Variants in NDST4 observed in about 807,000 individuals in gnomAD.
The protein encoded by NDST4 is N-deacetylase and N-sulfotransferase 4.
A neutral mutation model predicts 100.8 loss-of-function variants in NDST4; 63 were observed. The observed-to-expected ratio is 0.62, with a 90% CI of 0.51 to 0.77. The LOEUF (loss-of-function observed/expected upper bound fraction) is 0.77, where lower values mean the gene tolerates loss of function less well. Ranked by LOEUF, NDST4 falls within the 30% of genes least tolerant of loss-of-function variation. NDST4 has a pLI of 0.00. For missense variants in NDST4, 943 were observed against 1,018.4 expected, an observed-to-expected ratio of 0.93 and a Z score of 1.01; for synonymous variants, 377 against 361.8, an observed-to-expected ratio of 1.04 and a Z score of -0.48.
rs1321414322 is a variant in NDST4 at position 114,865,698 on chromosome 4, T to G, written c.1719+5070A>C. On this transcript the variant is annotated intron_variant, in intron 7 of 13. Transcript: ENST00000264363. Reference sequence around the variant, plus strand: ...TTCAAGGGAGCTATCTGCAAGTAATTTTTTTTATGACTGAACCTCAATAAG... The same window carrying G: ...TTCAAGGGAGCTATCTGCAAGTAATGTTTTTTATGACTGAACCTCAATAAG... Among the ~76,000 whole-genome samples, 5 of 152,080 alleles carry G rather than the reference T, an allele frequency of 3.3e-5. No homozygotes were observed. The East Asian group carries it at 7.7e-4, about 23-fold the overall frequency.
chr4:114,889,722 C>A (rs987262350), intron 6 of NDST4, among the ~76,000 whole-genome samples: 16 of 152,160 alleles, frequency 1.1e-4, no homozygotes, highest in Admixed American at 7.9e-4. Context: ...AGGGAGACAG[C>A]CTTGACTGGG....
chr4:115,005,851 G>T (rs918022128), intron 2 of NDST4, among the ~76,000 whole-genome samples: 3 of 151,832 alleles, frequency 2.0e-5, no homozygotes, highest in Admixed American at 6.6e-5. Context: ...TGGCCAACAT[G>T]GTGAAACCTC....
chr4:114,909,362 T>C (rs1725015735), intron 6 of NDST4, among the ~76,000 whole-genome samples: 1 of 152,154 alleles, frequency 6.6e-6, no homozygotes, highest in Admixed American at 6.6e-5. Context: ...TGAGACTTCT[T>C]AGAAAGCTAA....
chr4:114,838,586 C>T (rs1477610108), intron 11 of NDST4, among the ~76,000 whole-genome samples: 1 of 152,132 alleles, frequency 6.6e-6, no homozygotes, highest in African/African-American at 2.4e-5. Flanking sequence ...CCAAATTCCG[C>T]ATGTTCTCAC....
chr4:115,025,852 G>A (rs542189480), intron 2 of NDST4, among the ~76,000 whole-genome samples: 5 of 152,044 alleles, frequency 3.3e-5, no homozygotes. Flanking sequence ...TTATTGATAA[G>A]AATTATGTAA....
At chr4:114,945,168 A>C (rs933374949) in intron 4 of NDST4, among the ~76,000 whole-genome samples, 1 of 126,472 alleles carries the variant, frequency 7.9e-6, no homozygotes. Flanking sequence ...AGATCATGCC[A>C]TTGCTCTCTA....
intron 6 of NDST4, among the ~76,000 whole-genome samples, chr4:114,897,762 G>A (rs1724747909): frequency 6.6e-6 from 1 of 152,138 alleles, no homozygotes; most frequent in South Asian, 2.1e-4. Flanking sequence ...TTTGATATAT[G>A]GGTAATTGTA....
chr4:114,898,846 A>G (rs1724771871), intron 6 of NDST4, among the ~76,000 whole-genome samples: 1 of 152,138 alleles, frequency 6.6e-6, no homozygotes, highest in South Asian at 2.1e-4. Context: ...TATAAAGGGA[A>G]GCAATTGACT....
intron 6 of NDST4, among the ~76,000 whole-genome samples, chr4:114,888,440 C>T (rs1437579639): frequency 6.6e-6 from 1 of 152,016 alleles, no homozygotes; most frequent in Non-Finnish European, 1.5e-5. Flanking sequence ...ATGAAAAGGA[C>T]AAGTGAAGTT....
intron 6 of NDST4, among the ~76,000 whole-genome samples, chr4:114,914,612 G>T (rs1725130458): frequency 6.6e-6 from 1 of 152,092 alleles, no homozygotes; most frequent in African/African-American, 2.4e-5. Flanking sequence ...AGACTATGGG[G>T]AACATTTTAT....
intron 1 of NDST4, among the ~76,000 whole-genome samples, chr4:115,099,170 T>C (rs1392421317): frequency 6.6e-6 from 1 of 152,200 alleles, no homozygotes; most frequent in African/African-American, 2.4e-5. Flanking sequence ...TTTAGACTAT[T>C]TGTAGATATA....
chr4:115,005,455 A>C (rs1049259089), intron 2 of NDST4, among the ~76,000 whole-genome samples: 3 of 152,174 alleles, frequency 2.0e-5, no homozygotes, highest in African/African-American at 7.2e-5. Context: ...GTGGCAAGCA[A>C]CACCAATATC....
chr4:114,839,315 A>G, intron 11 of NDST4, 63 bp downstream of exon 11: 5 of 1,434,778 alleles, frequency 3.5e-6, no homozygotes, highest in Non-Finnish European at 4.7e-6. Flanking sequence ...ACATTATAAT[A>G]AAATATAAAA....
chr4:114,946,178 C>T (rs937875492), intron 4 of NDST4, among the ~76,000 whole-genome samples: 9 of 152,110 alleles, frequency 5.9e-5, no homozygotes, highest in Admixed American at 1.3e-4. Context: ...TGATTTGGCA[C>T]GTGCTTTGCT....
intron 4 of NDST4, among the ~76,000 whole-genome samples, chr4:114,938,238 C>T (rs1025011550): frequency 6.6e-6 from 1 of 151,780 alleles, no homozygotes; most frequent in African/African-American, 2.4e-5. Flanking sequence ...TTTTAGATAC[C>T]CAGGGTAAAG....
intron 2 of NDST4, among the ~76,000 whole-genome samples, chr4:115,024,860 G>T (rs1727946220): frequency 6.6e-6 from 1 of 152,186 alleles, no homozygotes. Context: ...GAACTGTTAA[G>T]AAATTATTAG....
At chr4:114,987,752 TA>T (rs2126250098) in intron 2 of NDST4, among the ~76,000 whole-genome samples, 1 of 152,334 alleles carries the variant, frequency 6.6e-6, no homozygotes, top group African/African-American at 2.4e-5. Context: ...ATCTTGCACT[TA>T]ATGTATCTTA....
rs551010106 is a variant in NDST4 at position 114,888,201 on chromosome 4, C to T, written c.1537-17251G>A. On this transcript the variant is annotated intron_variant, in intron 6 of 13. Coordinates refer to ENST00000264363, the MANE Select transcript of NDST4 (RefSeq NM_022569.3). ...TTGGTGGCAGAAGGAGACTCTATCT[C>T]AAAATAAATAAATAAATAATTTAAT... 3.3e-3 allele frequency among the ~76,000 whole-genome samples: 497 copies of T among 151,016 alleles called. 2 individuals are homozygous for T. The highest frequency in any genetic ancestry group is 0.011 in the African/African-American group (459 of 41,252).
chr4:114,846,824 C>G (rs1456552963), intron 9 of NDST4, among the ~76,000 whole-genome samples: 17 of 152,108 alleles, frequency 1.1e-4, no homozygotes, highest in Non-Finnish European at 2.4e-4. Flanking sequence ...TTATGTTTCC[C>G]AAAAGCGGAG....
Sources: gnomAD v4.1 joint callset for allele counts (sites outside exome capture counted in the v4.1 genomes callset) on GRCh38, gnomAD v4.1.1 for gene constraint, MANE v1.5 for transcripts, NCBI Gene and HGNC (gene_info 2026-07-23, HGNC 2026-07-21) for gene names.